ADGRL3: variants seen among roughly 807,000 people sequenced by gnomAD.
ADGRL3 encodes adhesion G protein-coupled receptor L3.
ADGRL3 carries 62 observed loss-of-function variants against 153.5 expected under a neutral mutation model. The observed-to-expected ratio is 0.40, with a 90% CI of 0.33 to 0.50. The LOEUF is 0.50. Among genes scored for constraint, ADGRL3 ranks in the 20% least tolerant of loss-of-function variants. The probability of loss-of-function intolerance (pLI) is 0.47; values close to 1 mark genes in which losing one functional copy is unlikely to be tolerated. For synonymous variants in ADGRL3, 710 were observed against 672.5 expected, an observed-to-expected ratio of 1.06 and a Z score of -0.86; for missense variants, 1,641 against 1,859.4, an observed-to-expected ratio of 0.88 and a Z score of 2.16.
intron 13 of ADGRL3, among the ~76,000 whole-genome samples, chr4:61,932,911 C>A (rs1236770068): frequency 2.0e-5 from 3 of 151,838 alleles, no homozygotes; most frequent in Non-Finnish European, 4.4e-5. Flanking sequence ...GGAACATGTT[C>A]TTTCTTAGAA....
chr4:61,683,537 A>G (rs933922817), intron 6 of ADGRL3, among the ~76,000 whole-genome samples: 5 of 152,102 alleles, frequency 3.3e-5, no homozygotes, highest in African/African-American at 1.2e-4. Flanking sequence ...CACAATGGGG[A>G]GTGCATGCTG....
chr4:61,825,066 T>C (rs1332418132), intron 9 of ADGRL3, among the ~76,000 whole-genome samples: 1 of 152,216 alleles, frequency 6.6e-6, no homozygotes, highest in East Asian at 1.9e-4. Flanking sequence ...AGCACTTTTC[T>C]CTTTGCTAGT....
intron 1 of ADGRL3, among the ~76,000 whole-genome samples, chr4:61,289,054 A>C (rs571651922): frequency 6.6e-6 from 1 of 151,962 alleles, no homozygotes; most frequent in African/African-American, 2.4e-5. Context: ...TACGTACATA[A>C]GTTAACGCAA....
chr4:61,403,838 G>A (rs2096960337), intron 2 of ADGRL3, among the ~76,000 whole-genome samples: 1 of 151,996 alleles, frequency 6.6e-6, no homozygotes, highest in Admixed American at 6.6e-5. Flanking sequence ...GCTGGTACCT[G>A]GAGAGCTGGA....
chr4:61,567,608 C>T (rs1330600866), intron 4 of ADGRL3, among the ~76,000 whole-genome samples: 1 of 152,152 alleles, frequency 6.6e-6, no homozygotes, highest in Non-Finnish European at 1.5e-5. Flanking sequence ...AAGTACATGT[C>T]TGCAGTTTGT....
At chr4:61,541,270 C>T (rs143875317) in intron 4 of ADGRL3, among the ~76,000 whole-genome samples, 47 of 151,120 alleles carry the variant, frequency 3.1e-4, no homozygotes, top group African/African-American at 1.1e-3. Flanking sequence ...AGAACCTGTA[C>T]AGCAGGTGAG....
chr4:61,963,219 C>G (rs2098994526), intron 17 of ADGRL3, among the ~76,000 whole-genome samples: 1 of 150,906 alleles, frequency 6.6e-6, no homozygotes. Flanking sequence ...TGGATTATGG[C>G]AGAATTTATT....
intron 1 of ADGRL3, among the ~76,000 whole-genome samples, chr4:61,340,518 C>A (rs1175971772): frequency 3.3e-5 from 5 of 151,918 alleles, no homozygotes; most frequent in Non-Finnish European, 5.9e-5. Flanking sequence ...AATCTGTCAT[C>A]GGATACATCT....
intron 6 of ADGRL3, among the ~76,000 whole-genome samples, chr4:61,716,320 T>C (rs745846137): frequency 2.0e-5 from 3 of 152,112 alleles, no homozygotes; most frequent in Non-Finnish European, 4.4e-5. Flanking sequence ...GAAATATAGA[T>C]CTGGTTCTAT....
chr4:61,674,211 G>A (rs116094131), intron 5 of ADGRL3, among the ~76,000 whole-genome samples: 1,926 of 151,274 alleles, frequency 0.013, 19 homozygotes, highest in Non-Finnish European at 0.02. Context: ...TAGACTCCAG[G>A]TTATGTTTTC....
intron 9 of ADGRL3, among the ~76,000 whole-genome samples, chr4:61,824,734 C>A (rs1178277165): frequency 1.3e-5 from 2 of 152,170 alleles, no homozygotes. Context: ...ATAACACATG[C>A]ATATATGCAC....
intron 4 of ADGRL3, among the ~76,000 whole-genome samples, chr4:61,584,876 C>G (rs2098940084): frequency 6.6e-6 from 1 of 151,724 alleles, no homozygotes; most frequent in Non-Finnish European, 1.5e-5. Context: ...ATGAAAATGT[C>G]TATATCCATG....
intron 1 of ADGRL3, among the ~76,000 whole-genome samples, chr4:61,305,247 A>G (rs1243764607): frequency 2.6e-5 from 4 of 152,236 alleles, no homozygotes; most frequent in Admixed American, 2.6e-4. Flanking sequence ...AATTGTGAAT[A>G]TCTTCCTTGG....
At chr4:61,900,268 T>C (rs761274734) in intron 11 of ADGRL3, among the ~76,000 whole-genome samples, 5 of 152,172 alleles carry the variant, frequency 3.3e-5, no homozygotes, top group Admixed American at 6.5e-5. Flanking sequence ...AAAAGAAATT[T>C]TACATTTACA....
intron 3 of ADGRL3, among the ~76,000 whole-genome samples, chr4:61,506,287 T>A (rs1381747687): frequency 1.3e-5 from 2 of 152,120 alleles, no homozygotes; most frequent in Admixed American, 6.5e-5. Context: ...CCTTTAGGAA[T>A]TAGAACCAAA....
chr4:62,062,407 C>T (rs1010583808), intron 25 of ADGRL3, among the ~76,000 whole-genome samples: 4 of 151,944 alleles, frequency 2.6e-5, no homozygotes, highest in Admixed American at 2.0e-4. Flanking sequence ...AAATCTGTCT[C>T]TCAGCCTATA....
rs920180957 is a variant in ADGRL3 at position 61,876,265 on chromosome 4, A to G, written c.1481-16391A>G. 2.1e-5 allele frequency among the ~76,000 whole-genome samples: 3 copies of G among 142,738 alleles called. No homozygotes were observed. In the South Asian group the frequency reaches 7.0e-4, roughly 33 times the overall value. The allele number at this position is 142,738 out of a possible 152,430, so 93.6% of individuals were successfully genotyped here. A position where few individuals can be genotyped will look rare whatever the true frequency, so the allele number is the denominator to read the frequency against. On this transcript the variant is annotated intron_variant, in intron 9 of 26. Transcript: ENST00000683033. Reference sequence around the variant, plus strand: ...GATGCTCAATATTACAGTATCATTCATAAGTCTATTTTATCCAATTTTGTT... The same window carrying G: ...GATGCTCAATATTACAGTATCATTCGTAAGTCTATTTTATCCAATTTTGTT...
At chr4:61,987,521 C>T (rs1477653852) in intron 19 of ADGRL3, among the ~76,000 whole-genome samples, 2 of 152,002 alleles carry the variant, frequency 1.3e-5, no homozygotes, top group Admixed American at 1.3e-4. Flanking sequence ...CTGCTCACCA[C>T]GTGCATCTTT....
At chr4:61,461,128 G>A (rs761507416) in intron 2 of ADGRL3, among the ~76,000 whole-genome samples, 3 of 151,952 alleles carry the variant, frequency 2.0e-5, no homozygotes, top group African/African-American at 4.8e-5. Flanking sequence ...TCATTACCAC[G>A]AGAACAGTAT....
Sources: allele counts gnomAD v4.1 joint callset (sites outside exome capture counted in the v4.1 genomes callset), GRCh38; gene constraint gnomAD v4.1.1; transcripts MANE v1.5; gene names NCBI Gene and HGNC (gene_info 2026-07-23, HGNC 2026-07-21).